The following ITGA8 variants were observed in gnomAD, a reference collection of about 807,000 sequenced individuals.
The protein encoded by ITGA8 is integrin alpha-8.
Under a neutral mutation model 142.3 loss-of-function variants are expected in ITGA8, and 91 were observed. That is an observed-to-expected ratio of 0.64 (90% CI 0.54 to 0.76). The LOEUF (loss-of-function observed/expected upper bound fraction) is 0.76, where lower values mean the gene tolerates loss of function less well. ITGA8 is among the 30% of genes least tolerant of loss of function. The probability of loss-of-function intolerance (pLI) is 0.00; values close to 1 mark genes in which losing one functional copy is unlikely to be tolerated. For synonymous variants in ITGA8, 505 were observed against 485.2 expected (o/e 1.04, Z -0.54); for missense variants, 1,406 against 1,327.7 (o/e 1.06, Z -0.92).
intron 26 of ITGA8, among the ~76,000 whole-genome samples, chr10:15,556,303 A>T (rs1833888980): frequency 6.6e-6 from 1 of 152,048 alleles, no homozygotes; most frequent in East Asian, 1.9e-4. Flanking sequence ...CGCCGGGATT[A>T]TAGGCTGAGC....
chr10:15,718,651 G>A (rs1835498050), intron 2 of ITGA8, 115 bp downstream of exon 2: 2 of 1,310,158 alleles, frequency 1.5e-6, no homozygotes, highest in Admixed American at 2.0e-5. Flanking sequence ...CCACAATACG[G>A]ACATATCAGA....
intron 27 of ITGA8, among the ~76,000 whole-genome samples, chr10:15,531,415 T>TCCAAACATCCATTC (rs1564338582): frequency 1.6e-5 from 2 of 125,960 alleles, no homozygotes; most frequent in African/African-American, 3.0e-5. Context: ...AGCATCCATC[T>TCCAAACATCCATTC]ATCCATCCAT....
chr10:15,597,629 T>G (rs962252115), intron 20 of ITGA8, among the ~76,000 whole-genome samples: 7 of 152,150 alleles, frequency 4.6e-5, no homozygotes, highest in Non-Finnish European at 8.8e-5. Flanking sequence ...TCACAAATTA[T>G]TAAACATGAG....
intron 14 of ITGA8, 23 bp downstream of exon 14, chr10:15,616,491 T>A: frequency 6.4e-7 from 1 of 1,570,004 alleles, no homozygotes; most frequent in Non-Finnish European, 8.8e-7. Context: ...GAGAAAAACA[T>A]TTGAATACTA....
chr10:15,671,879 C>CAAAAAA (rs34588118), intron 7 of ITGA8, among the ~76,000 whole-genome samples: 27 of 79,682 alleles, frequency 3.4e-4, no homozygotes, highest in African/African-American at 6.7e-4. Flanking sequence ...AGGAGCAAAG[C>CAAAAAA]AAAAAAAAAA....
chr10:15,532,433 A>AAAAAAAGC (rs1257914794), intron 27 of ITGA8, among the ~76,000 whole-genome samples: 1 of 148,440 alleles, frequency 6.7e-6, no homozygotes, highest in Non-Finnish European at 1.5e-5. Flanking sequence ...AAAAAAAAAA[A>AAAAAAAGC]AAAAAAAAAA....
At chr10:15,701,329 AC>A (rs1835159674) in intron 2 of ITGA8, among the ~76,000 whole-genome samples, 2 of 152,220 alleles carry the variant, frequency 1.3e-5, no homozygotes, top group Admixed American at 1.3e-4. Context: ...GAGTATTAGT[AC>A]ATCTGTGATC....
chr10:15,595,985 A>G (rs1223725935), intron 21 of ITGA8, among the ~76,000 whole-genome samples: 1 of 152,226 alleles, frequency 6.6e-6, no homozygotes, highest in African/African-American at 2.4e-5. Context: ...CGGGAGGCAG[A>G]GGTTGCGGTG....
At chr10:15,570,631 AAAAG>A (rs1322051554) in intron 25 of ITGA8, among the ~76,000 whole-genome samples, 1 of 151,378 alleles carries the variant, frequency 6.6e-6, no homozygotes, top group African/African-American at 2.4e-5. Context: ...AAAAAAAAAA[AAAAG>A]AGAATAAGTG....
intron 26 of ITGA8, among the ~76,000 whole-genome samples, chr10:15,556,568 T>C (rs1366200684): frequency 1.3e-5 from 2 of 152,190 alleles, no homozygotes; most frequent in Non-Finnish European, 2.9e-5. Context: ...ATATCTATTG[T>C]AATTTTTATG....
At chr10:15,682,106 C>T (rs376396450) in intron 4 of ITGA8, among the ~76,000 whole-genome samples, 1 of 152,144 alleles carries the variant, frequency 6.6e-6, no homozygotes, top group East Asian at 1.9e-4. Context: ...CCCTTTCTAT[C>T]GTCTTGTCTA....
intron 20 of ITGA8, among the ~76,000 whole-genome samples, chr10:15,601,749 G>A (rs1358337495): frequency 6.6e-6 from 1 of 152,060 alleles, no homozygotes; most frequent in Non-Finnish European, 1.5e-5. Context: ...TTTCTAAAAA[G>A]ACGAATGTTT....
chr10:15,565,027 C>T (rs927545177), intron 25 of ITGA8, among the ~76,000 whole-genome samples: 10 of 152,206 alleles, frequency 6.6e-5, no homozygotes, highest in Non-Finnish European at 1.5e-4. Context: ...GATGTTGATG[C>T]TTTCTTAGTA....
At chr10:15,649,582 C>T (rs1195366032) in intron 11 of ITGA8, among the ~76,000 whole-genome samples, 5 of 145,502 alleles carry the variant, frequency 3.4e-5, no homozygotes, top group African/African-American at 5.1e-5. Flanking sequence ...GGGCCGAGAT[C>T]GCACCACTAG....
chr10:15,671,227 C>T (rs1954183), intron 8 of ITGA8, among the ~76,000 whole-genome samples: 14 of 151,848 alleles, frequency 9.2e-5, no homozygotes, highest in Non-Finnish European at 1.5e-4. Flanking sequence ...GATTGGAGTT[C>T]GTTGGGGAGA....
intron 4 of ITGA8, among the ~76,000 whole-genome samples, chr10:15,682,741 C>T (rs1834760296): frequency 6.6e-6 from 1 of 151,520 alleles, no homozygotes. Context: ...GCCCCAGCTA[C>T]TTGGCAGGCT....
intron 23 of ITGA8, among the ~76,000 whole-genome samples, chr10:15,576,246 G>A (rs368010215): frequency 1.3e-5 from 2 of 152,126 alleles, no homozygotes; most frequent in African/African-American, 4.8e-5. Context: ...GATATCTCAA[G>A]TGTGAGAGAG....
At chr10:15,568,287 C>T (rs967829898) in intron 25 of ITGA8, among the ~76,000 whole-genome samples, 2 of 152,136 alleles carry the variant, frequency 1.3e-5, no homozygotes, top group African/African-American at 2.4e-5. Flanking sequence ...TCTGCCCCTG[C>T]CCCATCCCAA....
intron 2 of ITGA8, among the ~76,000 whole-genome samples, chr10:15,717,940 C>T (rs112382487): frequency 7.6e-4 from 116 of 152,212 alleles, no homozygotes; most frequent in African/African-American, 2.7e-3. Context: ...GTATTTTAAA[C>T]GATTATTTAT....
Sources: allele counts gnomAD v4.1 joint callset (sites outside exome capture counted in the v4.1 genomes callset), GRCh38; gene constraint gnomAD v4.1.1; transcripts MANE v1.5; gene names NCBI Gene and HGNC (gene_info 2026-07-23, HGNC 2026-07-21).